The following CHD5 variants were observed in gnomAD, a reference collection of about 807,000 sequenced individuals.
CHD5 encodes the protein chromodomain helicase DNA binding protein 5, also known as ATP-dependent chromatin remodeler CHD5.
Under a neutral mutation model 230.3 loss-of-function variants are expected in CHD5, and 69 were observed. The observed-to-expected ratio is 0.30, with a 90% confidence interval of 0.25 to 0.37. The LOEUF is 0.37. Among genes scored for constraint, CHD5 ranks in the 10% least tolerant of loss-of-function variants. The probability of loss-of-function intolerance (pLI) is 1.00; values close to 1 mark genes in which losing one functional copy is unlikely to be tolerated. For synonymous variants in CHD5, 1,064 were observed against 1,065.9 expected (o/e 1.00, Z 0.03); for missense variants, 1,827 against 2,622.8 (o/e 0.70, Z 6.63).
rs1666649713 is a variant in CHD5 at position 6,131,077 on chromosome 1, A to G, written c.3262+554T>C. ...ACAAAGCTTGTTACTATTTGCTGCA[A>G]ACTTGCTACTGAAGCTTACAGCCGA... On this transcript the variant is annotated intron_variant, in intron 21 of 41. Transcript: ENST00000262450. This position sits in a 1 kb window ranked among gnomAD's most constrained non-coding sequence, Gnocchi z 5.0. 6.6e-6 allele frequency among the ~76,000 whole-genome samples: 1 copy of G among 152,194 alleles called. No individual in the cohort carries two copies. The highest frequency in any genetic ancestry group is 2.1e-4 in the South Asian group (1 of 4,826).
rs1288873176 is a variant in CHD5 at position 6,112,149 on chromosome 1, C to T, written c.5131G>A (p.Gly1711Ser). 6.2e-7 allele frequency: 1 copy of T among 1,613,808 alleles called. No homozygotes were observed. The highest frequency in any genetic ancestry group is 2.2e-5 in the East Asian group (1 of 44,880). The change falls in exon 35 of 42, where the codon GGC (glycine) becomes AGC (serine). Residue 1711 changes from glycine (G) to serine (S), a missense_variant. Physicochemically the swap from Gly to Ser is moderately conservative, Grantham distance 56. Around this residue, in one of 14 missense-constraint regions of CHD5, gnomAD observed 272 missense variants for 263.2 expected, o/e 1.03. Coordinates refer to ENST00000262450, the MANE Select transcript of CHD5 (RefSeq NM_015557.3). ...CCCCCAACCCCAATACCCGTGAAGC[C>T]CCCGTCCGCGATGTTGAACATGAAC... The part of the protein sequence containing the change: ...FKFMFNIADG[G>S]FTELHTLWQN...
chr1:6,132,126 C>A (rs957322226), intron 20 of CHD5, among the ~76,000 whole-genome samples: 1 of 152,170 alleles, frequency 6.6e-6, no homozygotes, highest in Non-Finnish European at 1.5e-5. Flanking sequence ...ATGCCCACCC[C>A]CTTACTGCCT....
At position 6,105,903 on chromosome 1, in the gene CHD5, G is replaced by A. The variant is rs1215642152; in HGVS notation, c.*46+331C>T. ...AGGGGCAGGACAGGGCTCCAGGCGG[G>A]GGCAGCAGTCTCTGACTTCCGCTGG... On this transcript the variant is annotated intron_variant, in intron 41 of 41. Coordinates refer to ENST00000262450, the MANE Select transcript of CHD5 (RefSeq NM_015557.3). This position sits in a 1 kb window ranked among gnomAD's most constrained non-coding sequence, Gnocchi z 4.8. 2.0e-5 allele frequency among the ~76,000 whole-genome samples: 3 copies of A among 152,192 alleles called. No homozygotes were observed. The highest frequency in any genetic ancestry group is 1.3e-4 in the Admixed American group (2 of 15,286).
Position 6,159,380 on chromosome 1 carries a change from T to C in CHD5, c.343A>G (p.Lys115Glu). ...DKKEKKAKRK[K>E]KDEDEDDNDD... is the part of the protein sequence containing the mutation. ...TTATCATCCTCATCCTCATCCTTCTTTTTTCGCTTGGCTTTTTTCTCCTTC... is the reference window on the plus strand; with the variant it reads ...TTATCATCCTCATCCTCATCCTTCTCTTTTCGCTTGGCTTTTTTCTCCTTC... Residue 115 changes from lysine to glutamate, a missense_variant, in exon 3 of 42, where the codon AAG (lysine) becomes GAG (glutamate). Physicochemically the swap from Lys to Glu is moderately conservative, Grantham distance 56. Transcript: ENST00000262450. The C allele has an allele frequency of 6.4e-7, 1 of 1,552,298 alleles. No homozygotes were observed. Among genetic ancestry groups the C allele is most frequent in the South Asian group, 1.2e-5 (1 of 84,132 alleles).
chr1:6,147,542 G>A (rs1218431105), intron 9 of CHD5, among the ~76,000 whole-genome samples: 2 of 152,240 alleles, frequency 1.3e-5, no homozygotes, highest in Non-Finnish European at 2.9e-5. Flanking sequence ...CGGGCCCTGA[G>A]ATGGGTGGGA....
At chr1:6,118,401 G>C (rs750540382) in intron 33 of CHD5, among the ~76,000 whole-genome samples, 31 of 140,940 alleles carry the variant, frequency 2.2e-4, no homozygotes, top group Admixed American at 1.9e-3. Context: ...AAAAAAAAAG[G>C]AATGAAGTAC....
At chr1:6,110,656 T>A (rs947881970) in intron 36 of CHD5, 130 bp from the exon 37 acceptor site, 1 of 912,386 alleles carries the variant, frequency 1.1e-6, no homozygotes, top group Non-Finnish European at 1.7e-6. Context: ...AGGCAAGTCC[T>A]TAAGCCCAGC....
chr1:6,130,131 T>G lies in CHD5; in HGVS notation c.3387+73A>C. The stretch of plus-strand genomic sequence containing the variant: ...TGAGGGGGTGATGGCAAGAAGGGCA[T>G]GAAGGACAGAACCTGCCTGAGGCCC... On this transcript the variant is annotated intron_variant, in intron 22 of 41. Transcript: ENST00000262450. This position sits in a 1 kb window ranked among gnomAD's most constrained non-coding sequence, Gnocchi z 4.9. 1.3e-6 allele frequency: 2 copies of G among 1,562,574 alleles called. No homozygotes were observed. Among genetic ancestry groups the G allele is most frequent in the African/African-American group, 1.3e-5 (1 of 74,124 alleles).
intron 38 of CHD5, among the ~76,000 whole-genome samples, chr1:6,107,487 G>A (rs1395502996): frequency 2.2e-5 from 3 of 134,890 alleles, no homozygotes; most frequent in African/African-American, 5.6e-5. Flanking sequence ...ATGAAGGGAT[G>A]ATGGATAGAT....
intron 41 of CHD5, 95 bp downstream of exon 41, chr1:6,106,139 C>T (rs1571133754): frequency 1.1e-5 from 13 of 1,144,574 alleles, no homozygotes; most frequent in South Asian, 9.4e-5. Flanking sequence ...GACTTAGGGA[C>T]GGGAGTCAAG....
In CHD5 at chr1:6,151,021, G is replaced by T. The variant is rs760720877; in HGVS notation, c.994+11C>A. 5 of 1,535,880 alleles carry T rather than the reference G, an allele frequency of 3.3e-6. No homozygotes were observed. Among genetic ancestry groups the T allele is most frequent in the South Asian group, 1.3e-5 (1 of 78,678 alleles). ...CAGCAGGCCAAGAACTCTCTGGAAG[G>T]GGAGTCATACTCCTCTTCTTCTTGC... On this transcript the variant is annotated intron_variant, in intron 7 of 41. Coordinates refer to ENST00000262450, the MANE Select transcript of CHD5 (RefSeq NM_015557.3).
At chr1:6,171,915 C>T (rs1039238518) in intron 1 of CHD5, among the ~76,000 whole-genome samples, 5 of 152,274 alleles carry the variant, frequency 3.3e-5, no homozygotes, top group African/African-American at 1.2e-4. Context: ...TGCACCAGCC[C>T]TAACCCTCCA....
chr1:6,149,194 G>C (rs113813486), intron 8 of CHD5, 52 bp downstream of exon 8: 2 of 1,510,396 alleles, frequency 1.3e-6, no homozygotes, highest in Non-Finnish European at 1.8e-6. Context: ...GCACAGGGGT[G>C]GGGGAGCCAG....
Position 6,155,448 on chromosome 1 carries a change from C to T in CHD5, c.506+151G>A, listed in dbSNP as rs1053213996. 4.6e-6 allele frequency: 3 copies of T among 647,878 alleles called. No homozygotes were observed. In the African/African-American group the frequency reaches 5.4e-5, roughly 12 times the overall value. 40.1% of individuals were successfully genotyped at this position (647,878 alleles called of 1,614,324 possible). ...GTCTGTTAACATGAAGGGGTCCTGC[C>T]CCCTCCCTCCAGCTCCCCCAGGTTG... is the stretch of plus-strand genomic sequence containing the variant. On this transcript the variant is annotated intron_variant, in intron 4 of 41. Coordinates refer to ENST00000262450, the MANE Select transcript of CHD5 (RefSeq NM_015557.3). The surrounding 1 kb of genome is among the most constrained non-coding windows in gnomAD (Gnocchi z 4.0).
At position 6,146,906 on chromosome 1, in the gene CHD5, A is replaced by G; in HGVS notation, c.1384-35T>C. 7.0e-7 allele frequency: 1 copy of G among 1,433,366 alleles called. No homozygotes were observed. Among genetic ancestry groups the G allele is most frequent in the Non-Finnish European group, 9.3e-7 (1 of 1,080,662 alleles). 88.8% of individuals were successfully genotyped at this position (1,433,366 alleles called of 1,614,324 possible). A position where few individuals can be genotyped will look rare whatever the true frequency, so the allele number is the denominator to read the frequency against. Reference sequence around the variant, plus strand: ...GAGAAGGGTCCCCAAGGTGGGGCTCAGCTGCAGGGCCCCACCCTGAGGCTC... The same window carrying G: ...GAGAAGGGTCCCCAAGGTGGGGCTCGGCTGCAGGGCCCCACCCTGAGGCTC... On this transcript the variant is annotated intron_variant, in intron 9 of 41. Transcript: ENST00000262450. This position sits in a 1 kb window ranked among gnomAD's most constrained non-coding sequence, Gnocchi z 5.1.
intron 15 of CHD5, 30 bp from the exon 16 acceptor site, chr1:6,136,895 A>T (rs1181958572): frequency 1.3e-6 from 2 of 1,584,734 alleles, no homozygotes; most frequent in Non-Finnish European, 1.7e-6. Flanking sequence ...TGGGGATGAG[A>T]CGGCTGGGAG....
intron 11 of CHD5, 82 bp from the exon 12 acceptor site, chr1:6,144,237 G>C (rs1666876039): frequency 6.3e-7 from 1 of 1,579,492 alleles, no homozygotes; most frequent in African/African-American, 1.3e-5. Context: ...CCAGGATGCA[G>C]AGCCATTCAC....
chr1:6,143,585 C>T (rs1666863494), intron 13 of CHD5, among the ~76,000 whole-genome samples: 1 of 152,202 alleles, frequency 6.6e-6, no homozygotes, highest in African/African-American at 2.4e-5. Context: ...GGGAGCTCTG[C>T]TGAGTGAGTC....
rs2273034 is a variant in CHD5, at chr1:6,128,486, G to A, written c.3730+13C>T. ...CGGAGGAGGAGCTGAGGCTGGGCTGGGTTGGCCCCTACCTGGCGGGGTGCT... is the reference window on the plus strand; with the variant it reads ...CGGAGGAGGAGCTGAGGCTGGGCTGAGTTGGCCCCTACCTGGCGGGGTGCT... On this transcript the variant is annotated intron_variant, in intron 24 of 41. Transcript: ENST00000262450. The surrounding 1 kb of genome is among the most constrained non-coding windows in gnomAD (Gnocchi z 7.8). 0.27 allele frequency: 432,233 copies of A among 1,595,456 alleles called. 61,949 individuals carry two copies. Among genetic ancestry groups the A allele is most frequent in the South Asian group, 0.4 (35,925 of 90,436 alleles).
Sources: gnomAD v4.1 joint callset for allele counts (sites outside exome capture counted in the v4.1 genomes callset) on GRCh38, gnomAD v4.1.1 for gene constraint, gnomAD v4.1.1 regional missense constraint, Gnocchi (gnomAD v3.1) non-coding constraint, MANE v1.5 for transcripts, NCBI Gene and HGNC (gene_info 2026-07-23, HGNC 2026-07-21) for gene names.